PCK1: variants seen among roughly 807,000 people sequenced by gnomAD.
The protein encoded by PCK1 is phosphoenolpyruvate carboxykinase 1.
A neutral mutation model predicts 50.3 loss-of-function variants in PCK1; 44 were observed. The observed-to-expected ratio is 0.87, with a 90% CI of 0.69 to 1.12. The LOEUF (loss-of-function observed/expected upper bound fraction) is 1.12, where lower values mean the gene tolerates loss of function less well. PCK1 is among the 50% of genes most tolerant of loss of function. The pLI is 0.00. For synonymous variants in PCK1, 332 were observed against 314.3 expected, an observed-to-expected ratio of 1.06 and a Z score of -0.59; for missense variants, 790 against 815.0, an observed-to-expected ratio of 0.97 and a Z score of 0.37.
chr20:57,565,056 T>C lies in PCK1; in HGVS notation c.1335T>C (p.Tyr445=), dbSNP rs1428089420. Residue 445 remains tyrosine, a synonymous_variant, in exon 9 of 10, where the codon TAT becomes TAC. Transcript: ENST00000319441. The stretch of plus-strand genomic sequence containing the variant: ...CTGCTAAAGGTGTCCCTCTAGTCTA[T>C]GAAGCTCTCAGCTGGCAACATGGAG... ...GRRPAGVPLV[Y]EALSWQHGVF... 2 of 1,613,728 alleles carry C rather than the reference T, an allele frequency of 1.2e-6. No homozygotes were observed. Among genetic ancestry groups the C allele is most frequent in the Non-Finnish European group, 1.7e-6 (2 of 1,179,634 alleles).
intron 4 of PCK1, 52 bp downstream of exon 4, chr20:57,562,951 G>A (rs762876259): frequency 1.7e-5 from 27 of 1,578,628 alleles, no homozygotes; most frequent in South Asian, 6.7e-5. Flanking sequence ...AAAGCTGAAC[G>A]CAAACCCCAG....
chr20:57,564,463 G>A lies in PCK1; in HGVS notation c.1187-19G>A, dbSNP rs2070183968. The A allele has an allele frequency of 6.2e-7, 1 of 1,614,180 alleles. No homozygotes were observed. Among genetic ancestry groups the A allele is most frequent in the Non-Finnish European group, 8.5e-7 (1 of 1,180,040 alleles). On this transcript the variant is annotated intron_variant, in intron 7 of 9. Transcript: ENST00000319441. Reference sequence around the variant, plus strand: ...GCCTGTTTGAGCCAGGCACTCACGAGCCTTTCTCTGTCTTATAGGGGAACC... The same window carrying A: ...GCCTGTTTGAGCCAGGCACTCACGAACCTTTCTCTGTCTTATAGGGGAACC...
intron 8 of PCK1, 132 bp from the exon 9 acceptor site, chr20:57,564,908 G>A (rs2146530348): frequency 4.1e-6 from 3 of 740,632 alleles, no homozygotes; most frequent in South Asian, 1.8e-5. Context: ...TTAGCTTGGT[G>A]AACGCAAAAC....
chr20:57,564,617 A>T lies in PCK1; in HGVS notation c.1318+4A>T. On this transcript the variant is annotated splice_donor_region_variant and intron_variant, in intron 8 of 9. Coordinates refer to ENST00000319441, the MANE Select transcript of PCK1 (RefSeq NM_002591.4). The stretch of plus-strand genomic sequence containing the variant: ...TTTGGAGGCCGTAGACCTGCTGGTG[A>T]GGCTCTCCTTCATTTAGGCTGGGAA... The T allele has an allele frequency of 6.3e-7, 1 of 1,580,812 alleles. No individual in the cohort carries two copies. The highest frequency in any genetic ancestry group is 8.6e-7 in the Non-Finnish European group (1 of 1,163,082).
chr20:57,564,770 A>G (rs1024295404), intron 8 of PCK1, 157 bp downstream of exon 8: 2 of 698,752 alleles, frequency 2.9e-6, no homozygotes, highest in Admixed American at 2.9e-5. Flanking sequence ...GGCAAGTTCA[A>G]ATGTAGAACC....
rs147350645 is a variant in PCK1, at chr20:57,565,741, C to T, written c.1806C>T (p.Ala602=). 2.8e-5 allele frequency: 45 copies of T among 1,613,600 alleles called. No homozygotes were observed. The highest frequency in any genetic ancestry group is 5.3e-5 in the African/African-American group (4 of 75,014). Residue 602 remains alanine (A), a synonymous_variant, in exon 10 of 10, where the codon GCC becomes GCT. Coordinates refer to ENST00000319441, the MANE Select transcript of PCK1 (RefSeq NM_002591.4). ...IEKYLEDQVN[A]DLPCEIEREI... is the part of the protein sequence containing the mutation. Reference sequence around the variant, plus strand: ...AGTATCTGGAGGATCAAGTCAATGCCGACCTCCCCTGTGAAATCGAGAGAG... The same window carrying T: ...AGTATCTGGAGGATCAAGTCAATGCTGACCTCCCCTGTGAAATCGAGAGAG...
At chr20:57,564,442 G>A (rs2070183572) in intron 7 of PCK1, 40 bp from the exon 8 acceptor site, 1 of 1,614,130 alleles carries the variant, frequency 6.2e-7, no homozygotes, top group Non-Finnish European at 8.5e-7. Flanking sequence ...GGGACTGCCT[G>A]TTTGAGCCAG....
intron 9 of PCK1, 22 bp from the exon 10 acceptor site, chr20:57,565,328 G>T: frequency 1.3e-6 from 2 of 1,593,290 alleles, no homozygotes; most frequent in South Asian, 1.1e-5. Flanking sequence ...ATTTACTAAT[G>T]AACTCCCTCT....
At chr20:57,564,099 C>G in intron 6 of PCK1, 70 bp from the exon 7 acceptor site, 1 of 952,630 alleles carries the variant, frequency 1.0e-6, no homozygotes, top group Non-Finnish European at 1.6e-6. Context: ...ATTAGTCCGG[C>G]AATATATAAG....
At position 57,564,372 on chromosome 20, in the gene PCK1, A is replaced by G; in HGVS notation, c.1165A>G (p.Lys389Glu). The G allele has an allele frequency of 6.2e-7, 1 of 1,614,120 alleles. No homozygotes were observed. Among genetic ancestry groups the G allele is most frequent in the Non-Finnish European group, 8.5e-7 (1 of 1,179,954 alleles). The stretch of plus-strand genomic sequence containing the variant: ...TGTCACCATCACGTCCTGGAAGAAT[A>G]AGGAGTGGAGCTCAGAGGATGGTGT... ...SGVTITSWKN[K>E]EWSSEDGEPC... The change falls in exon 7 of 10, where the codon AAG (lysine) becomes GAG (glutamate). Residue 389 changes from lysine (K) to glutamate (E), a missense_variant. By Grantham distance (56) the Lys-to-Glu change is moderately conservative. Coordinates refer to ENST00000319441, the MANE Select transcript of PCK1 (RefSeq NM_002591.4).
In PCK1 at chr20:57,561,434, G is replaced by T. The variant is rs944002960; in HGVS notation, c.23G>T (p.Gly8Val). The change falls in exon 2 of 10, where the codon GGC becomes GTC. Residue 8 changes from glycine to valine, a missense_variant. Transcript: ENST00000319441. The part of the protein sequence containing the change: MPPQLQN[G>V]LNLSAKVVQG... ...GAAATGCCTCCTCAGCTGCAAAACG[G>T]CCTGAACCTCTCGGCCAAAGTTGTC... 1.1e-5 allele frequency: 18 copies of T among 1,613,134 alleles called. No individual in the cohort carries two copies. Among genetic ancestry groups the T allele is most frequent in the Non-Finnish European group, 1.4e-5 (17 of 1,179,862 alleles).
chr20:57,565,764 G>A lies in PCK1; in HGVS notation c.1829G>A (p.Arg610Lys), dbSNP rs373831494. 3.1e-6 allele frequency: 5 copies of A among 1,613,036 alleles called. No individual in the cohort carries two copies. Among genetic ancestry groups the A allele is most frequent in the Admixed American group, 1.7e-5 (1 of 59,966 alleles). ...VNADLPCEIE[R>K]EILALKQRIS... ...GCCGACCTCCCCTGTGAAATCGAGA[G>A]AGAGATCCTTGCCTTGAAGCAAAGA... The change falls in exon 10 of 10, where the codon AGA becomes AAA. Residue 610 changes from arginine to lysine, a missense_variant. Physicochemically the swap from Arg to Lys is conservative, Grantham distance 26. Transcript: ENST00000319441.
rs937952020 is a variant in PCK1 at position 57,561,843 on chromosome 20, C to A, written c.224+208C>A. On this transcript the variant is annotated intron_variant, in intron 2 of 9. Transcript: ENST00000319441. Reference sequence around the variant, plus strand: ...TTTAAATGAGGTGTGTGCACAAAAGCTCTGCCAACTAGATTCCTGATTAAA... The same window carrying A: ...TTTAAATGAGGTGTGTGCACAAAAGATCTGCCAACTAGATTCCTGATTAAA... 1.9e-5 allele frequency: 10 copies of A among 515,324 alleles called. 1 individual carries two copies. The highest frequency in any genetic ancestry group is 1.9e-4 in the African/African-American group (10 of 52,504). 31.9% of individuals were successfully genotyped at this position (515,324 alleles called of 1,614,324 possible).
At chr20:57,563,289 C>T (rs1387728971) in intron 5 of PCK1, 74 bp downstream of exon 5, 13 of 1,371,324 alleles carry the variant, frequency 9.5e-6, no homozygotes, top group Non-Finnish European at 1.3e-5. Flanking sequence ...ATTACAGTTC[C>T]CACCCGTCAG....
Position 57,563,637 on chromosome 20 carries a change from A to T in PCK1, c.871A>T (p.Thr291Ser), listed in dbSNP as rs1310396080. The T allele has an allele frequency of 6.2e-7, 1 of 1,613,118 alleles. No individual in the cohort carries two copies. Among genetic ancestry groups the T allele is most frequent in the Non-Finnish European group, 8.5e-7 (1 of 1,179,120 alleles). ...AAAFPSACGK[T>S]NLAMMNPSLP... ...CGCATTTCCCAGCGCCTGCGGGAAG[A>T]CCAACCTGGCCATGATGAACCCCAG... Residue 291 changes from threonine to serine, a missense_variant, in exon 6 of 10, where the codon ACC (threonine) becomes TCC (serine). Physicochemically the swap from Thr to Ser is moderately conservative, Grantham distance 58 (BLOSUM62 1). Transcript: ENST00000319441.
intron 2 of PCK1, 33 bp from the exon 3 acceptor site, chr20:57,562,038 G>C: frequency 1.2e-6 from 2 of 1,602,742 alleles, no homozygotes; most frequent in Non-Finnish European, 1.7e-6. Flanking sequence ...TGCCCGTGGT[G>C]CTTGGCTGAA....
chr20:57,565,565 A>T lies in PCK1; in HGVS notation c.1630A>T (p.Ile544Phe), dbSNP rs1445305797. 1 of 1,614,018 alleles carries T rather than the reference A, an allele frequency of 6.2e-7. No individual in the cohort carries two copies. The highest frequency in any genetic ancestry group is 8.5e-7 in the Non-Finnish European group (1 of 1,180,000). ...GGTGCTGGAGTGGATGTTCAACCGG[A>T]TCGATGGAAAAGCCAGCACCAAGCT... Reference protein sequence around the residue: ...SRVLEWMFNRIDGKASTKLTP... With the variant: ...SRVLEWMFNRFDGKASTKLTP... Residue 544 changes from isoleucine (I) to phenylalanine (F), a missense_variant, in exon 10 of 10, where the codon ATC (isoleucine) becomes TTC (phenylalanine). Physicochemically the swap from Ile to Phe is conservative, Grantham distance 21. Coordinates refer to ENST00000319441, the MANE Select transcript of PCK1 (RefSeq NM_002591.4).
intron 3 of PCK1, 184 bp downstream of exon 3, chr20:57,562,436 A>C (rs1389137247): frequency 3.1e-6 from 2 of 646,768 alleles, no homozygotes; most frequent in Non-Finnish European, 5.3e-6. Flanking sequence ...AGACTGTCTT[A>C]TACAAACGTG....
At chr20:57,561,837 C>G (rs2070146624) in intron 2 of PCK1, 6 of 516,250 alleles carry the variant, frequency 1.2e-5, no homozygotes, top group South Asian at 7.5e-5. Flanking sequence ...GGTGTGTGCA[C>G]AAAAGCTCTG....
Sources: allele counts gnomAD v4.1 joint callset, GRCh38; gene constraint gnomAD v4.1.1; transcripts MANE v1.5; gene names NCBI Gene and HGNC (gene_info 2026-07-23, HGNC 2026-07-21).